The following ADAMTS2 variants were observed in gnomAD, a reference collection of about 807,000 sequenced individuals.
ADAMTS2 encodes the protein A disintegrin and metalloproteinase with thrombospondin motifs 2.
In ADAMTS2, 50 loss-of-function variants were observed where a neutral mutation model predicts 123.0. The observed-to-expected ratio is 0.41, with a 90% confidence interval of 0.32 to 0.51. The LOEUF (loss-of-function observed/expected upper bound fraction) is 0.51, where lower values mean the gene tolerates loss of function less well. Among genes scored for constraint, ADAMTS2 ranks in the 20% least tolerant of loss-of-function variants. ADAMTS2 has a pLI of 0.35. For synonymous variants in ADAMTS2, 678 were observed against 695.4 expected, an observed-to-expected ratio of 0.98 and a Z score of 0.39; for missense variants, 1,494 against 1,705.2, an observed-to-expected ratio of 0.88 and a Z score of 2.18.
At chr5:179,283,368 T>A (rs1755884410) in intron 2 of ADAMTS2, among the ~76,000 whole-genome samples, 1 of 151,612 alleles carries the variant, frequency 6.6e-6, no homozygotes, top group Admixed American at 6.6e-5. Context: ...ATTGCACTCG[T>A]TTCCTAATCT....
intron 9 of ADAMTS2, 80 bp from the exon 10 acceptor site, chr5:179,152,335 G>A (rs1044986843): frequency 8.9e-6 from 12 of 1,353,642 alleles, no homozygotes; most frequent in Non-Finnish European, 1.0e-5. Flanking sequence ...CCGGGTTCTG[G>A]AACCTGAGAT....
At chr5:179,183,198 G>A (rs1221916112) in intron 4 of ADAMTS2, among the ~76,000 whole-genome samples, 4 of 152,220 alleles carry the variant, frequency 2.6e-5, no homozygotes, top group Admixed American at 1.3e-4. Context: ...TTTAGTCCAC[G>A]CTGGCACAGT....
rs1268709982 is a variant in ADAMTS2, at chr5:179,115,674, A to G, written c.3179-1350T>C. Among the ~76,000 whole-genome samples, 1 of 151,838 alleles carries G rather than the reference A, an allele frequency of 6.6e-6. No individual in the cohort carries two copies. Among genetic ancestry groups the G allele is most frequent in the East Asian group, 1.9e-4 (1 of 5,170 alleles). The stretch of plus-strand genomic sequence containing the variant: ...GAAAAAAGGAAAGGGAGGGAGGGAC[A>G]AAAGGAAGAAAGGGAGGAGGAAAGG... On this transcript the variant is annotated intron_variant, in intron 21 of 21. Transcript: ENST00000251582. This position sits in a 1 kb window ranked among gnomAD's most constrained non-coding sequence, Gnocchi z 4.4.
rs567315474 is a variant in ADAMTS2 at position 179,344,500 on chromosome 5, C to CT, written c.140-340_140-339insA. 4.0e-4 allele frequency among the ~76,000 whole-genome samples: 61 copies of CT among 152,340 alleles called. 1 individual carries two copies. In the East Asian group the frequency reaches 0.011, roughly 28 times the overall value. On this transcript the variant is annotated intron_variant, in intron 1 of 21. Transcript: ENST00000251582. ...CGACCCCGTCAGAGAGTCCCCCGAC[C>CT]CTTGCACCTACCGTCCTTGGCAGGA...
chr5:179,176,100 A>C (rs2113301604), intron 5 of ADAMTS2, among the ~76,000 whole-genome samples: 1 of 152,210 alleles, frequency 6.6e-6, no homozygotes, highest in South Asian at 2.1e-4. Context: ...ACATCTACTC[A>C]TATCCTAAGA....
chr5:179,309,094 T>C (rs534159645), intron 2 of ADAMTS2, among the ~76,000 whole-genome samples: 3 of 152,300 alleles, frequency 2.0e-5, no homozygotes, highest in South Asian at 4.1e-4. Context: ...GGAAGCTACA[T>C]GGAGAGATGG....
chr5:179,227,170 C>T (rs1356733535), intron 3 of ADAMTS2, among the ~76,000 whole-genome samples: 1 of 151,378 alleles, frequency 6.6e-6, no homozygotes, highest in Non-Finnish European at 1.5e-5. Flanking sequence ...CCTGAAAGGA[C>T]ACAGAAGAAA....
intron 5 of ADAMTS2, among the ~76,000 whole-genome samples, chr5:179,167,633 C>A (rs1763733196): frequency 6.6e-6 from 1 of 152,194 alleles, no homozygotes; most frequent in South Asian, 2.1e-4. Context: ...ACTCAGCCAG[C>A]CCCGCAGGCC....
At position 179,133,703 on chromosome 5, in the gene ADAMTS2, A is replaced by G. The variant is rs142346995; in HGVS notation, c.2086-803T>C. On this transcript the variant is annotated intron_variant, in intron 13 of 21. Transcript: ENST00000251582. ...CCTGCTATTACCTGTCAAAATCAAC[A>G]TTAATAAAATATTTAACCTATTCTT... is the stretch of plus-strand genomic sequence containing the variant. Among the ~76,000 whole-genome samples, 75 of 151,878 alleles carry G rather than the reference A, an allele frequency of 4.9e-4. 1 individual carries two copies. The highest frequency in any genetic ancestry group is 1.6e-3 in the African/African-American group (67 of 41,434).
At chr5:179,250,760 A>C (rs936097128) in intron 3 of ADAMTS2, among the ~76,000 whole-genome samples, 1 of 152,190 alleles carries the variant, frequency 6.6e-6, no homozygotes, top group Non-Finnish European at 1.5e-5. Context: ...TTGGGTGACA[A>C]ACCCTGTACA....
At chr5:179,168,421 C>G (rs1410255499) in intron 5 of ADAMTS2, among the ~76,000 whole-genome samples, 3 of 152,184 alleles carry the variant, frequency 2.0e-5, no homozygotes, top group African/African-American at 7.2e-5. Flanking sequence ...GCGTGTGGCC[C>G]CGGGCAGGCC....
At chr5:179,161,227 G>A (rs1178850371) in intron 5 of ADAMTS2, among the ~76,000 whole-genome samples, 1 of 152,208 alleles carries the variant, frequency 6.6e-6, no homozygotes, top group Non-Finnish European at 1.5e-5. Context: ...AGAGGTCACA[G>A]TTCTGAAGGA....
chr5:179,295,150 A>G (rs1756294150), intron 2 of ADAMTS2, among the ~76,000 whole-genome samples: 2 of 152,214 alleles, frequency 1.3e-5, no homozygotes, highest in Non-Finnish European at 2.9e-5. Flanking sequence ...TAGATTCTGG[A>G]TTAGAAAGGA....
intron 2 of ADAMTS2, among the ~76,000 whole-genome samples, chr5:179,305,331 A>G (rs545079427): frequency 6.6e-6 from 1 of 152,352 alleles, no homozygotes; most frequent in African/African-American, 2.4e-5. Context: ...AAGAGGAATG[A>G]TAATGCTGTC....
At chr5:179,160,954 A>G (rs1763581367) in intron 5 of ADAMTS2, among the ~76,000 whole-genome samples, 1 of 152,194 alleles carries the variant, frequency 6.6e-6, no homozygotes, top group African/African-American at 2.4e-5. Context: ...CAACATAAAG[A>G]CAGTGGCTGC....
rs1370912841 is a variant in ADAMTS2, at chr5:179,234,514, CCCCGA to C, written c.689-26804_689-26800del. On this transcript the variant is annotated intron_variant, in intron 3 of 21. Transcript: ENST00000251582. The surrounding 1 kb of genome is among the most constrained non-coding windows in gnomAD (Gnocchi z 4.7). ...GACCATGGACCTGCTGACAGGTGCC[CCCCGA>C]CCCACCTCCAGCCTGCACCTCCCCA... 6.7e-6 allele frequency among the ~76,000 whole-genome samples: 1 copy of C among 149,198 alleles called. No homozygotes were observed.
intron 5 of ADAMTS2, among the ~76,000 whole-genome samples, chr5:179,171,485 CAT>C (rs1763813184): frequency 6.6e-6 from 1 of 152,226 alleles, no homozygotes; most frequent in Non-Finnish European, 1.5e-5. Context: ...AACGAGGACT[CAT>C]AGCCTCGGCT....
rs1185634097 is a variant in ADAMTS2, at chr5:179,185,687, T to C, written c.892-4532A>G. 6.6e-6 allele frequency among the ~76,000 whole-genome samples: 1 copy of C among 151,918 alleles called. No individual in the cohort carries two copies. Among genetic ancestry groups the C allele is most frequent in the East Asian group, 2.0e-4 (1 of 5,114 alleles). ...TAGACCGTCAGCCTCACATTCTGCT[T>C]GGAGGTGGGGTCGAGGCAGCTGAGC... On this transcript the variant is annotated intron_variant, in intron 4 of 21. Transcript: ENST00000251582. This position sits in a 1 kb window ranked among gnomAD's most constrained non-coding sequence, Gnocchi z 5.9.
chr5:179,263,897 C>T (rs946598206), intron 3 of ADAMTS2, among the ~76,000 whole-genome samples: 4 of 152,206 alleles, frequency 2.6e-5, no homozygotes, highest in Non-Finnish European at 4.4e-5. Flanking sequence ...CAAAGAGAAA[C>T]GGGTCAAAGA....
Sources: allele counts gnomAD v4.1 joint callset (sites outside exome capture counted in the v4.1 genomes callset), GRCh38; gene constraint gnomAD v4.1.1; non-coding constraint Gnocchi (gnomAD v3.1); transcripts MANE v1.5; gene names NCBI Gene and HGNC (gene_info 2026-07-23, HGNC 2026-07-21).